The following FBH1 variants were observed in gnomAD, a reference collection of about 807,000 sequenced individuals.
FBH1 encodes DNA 3'-5' helicase 1.
A neutral mutation model predicts 115.5 loss-of-function variants in FBH1; 43 were observed. That is an observed-to-expected ratio of 0.37 (90% CI 0.29 to 0.48). The LOEUF (loss-of-function observed/expected upper bound fraction) is 0.48, where lower values mean the gene tolerates loss of function less well. Ranked by LOEUF, FBH1 falls within the 20% of genes least tolerant of loss-of-function variation. The pLI is 0.99. For missense variants in FBH1, 1,001 were observed against 1,337.3 expected (o/e 0.75, Z 3.92); for synonymous variants, 524 against 507.8 (o/e 1.03, Z -0.43).
Position 5,910,813 on chromosome 10 carries a change from C to A in FBH1, c.1021-125C>A. The stretch of plus-strand genomic sequence containing the variant: ...AAATACAACTTGGAAAGTTTGGATT[C>A]AGTCCAGACAGTCTGTAGCCAGCAG... On this transcript the variant is annotated intron_variant, in intron 5 of 20. Coordinates refer to ENST00000362091, the MANE Select transcript of FBH1 (RefSeq NM_178150.3). The surrounding 1 kb of genome is among the most constrained non-coding windows in gnomAD (Gnocchi z 4.8). 2 of 756,782 alleles carry A rather than the reference C, an allele frequency of 2.6e-6. No homozygotes were observed. The highest frequency in any genetic ancestry group is 1.8e-5 in the African/African-American group (1 of 56,750). 46.9% of individuals were successfully genotyped at this position (756,782 alleles called of 1,614,324 possible).
At position 5,921,465 on chromosome 10, in the gene FBH1, G is replaced by A. The variant is rs540027734; in HGVS notation, c.2218G>A (p.Ala740Thr). 9.4e-6 allele frequency: 15 copies of A among 1,602,694 alleles called. No homozygotes were observed. The highest frequency in any genetic ancestry group is 7.1e-5 in the Admixed American group (4 of 56,154). Residue 740 changes from alanine (A) to threonine (T), a missense_variant, in exon 15 of 21, where the codon GCA becomes ACA. Ala to Thr is a moderately conservative substitution (Grantham distance 58). This residue lies in a region of FBH1 where 521 missense variants were observed against 811.0 expected (regional missense o/e 0.64). Transcript: ENST00000362091. This position sits in a 1 kb window ranked among gnomAD's most constrained non-coding sequence, Gnocchi z 6.4. ...CCCTAAAGGTGGCATTAGAGGTGAC[G>A]CAAAGGGGCAAGTGGCCTTGTTGTC... ...GNHQSGIRGDAKGQVALLSRT... is the reference protein window; with the variant it reads ...GNHQSGIRGDTKGQVALLSRT...
intron 1 of FBH1, among the ~76,000 whole-genome samples, chr10:5,899,697 G>A (rs1589051337): frequency 6.6e-6 from 1 of 152,170 alleles, no homozygotes; most frequent in Non-Finnish European, 1.5e-5. Context: ...ATTTTCGGGT[G>A]TTCTGGAAGC....
intron 13 of FBH1, among the ~76,000 whole-genome samples, chr10:5,919,136 A>AT (rs1277827084): frequency 1.4e-4 from 21 of 151,802 alleles, no homozygotes; most frequent in East Asian, 5.8e-4. Context: ...TTCTTGCTGC[A>AT]TTTTTTTTTG....
At position 5,909,238 on chromosome 10, in the gene FBH1, C is replaced by G. The variant is rs754146045; in HGVS notation, c.964C>G (p.Pro322Ala). 1 of 1,613,298 alleles carries G rather than the reference C, an allele frequency of 6.2e-7. No homozygotes were observed. The highest frequency in any genetic ancestry group is 1.7e-5 in the Admixed American group (1 of 60,012). Reference protein sequence around the residue: ...LWSLRDHPLLPEAEACVRQHL... With the variant: ...LWSLRDHPLLAEAEACVRQHL... Reference sequence around the variant, plus strand: ...GAGTCTGAGGGACCACCCCCTCCTCCCCGAGGCTGAGGCGTGTGTGCGGCA... The same window carrying G: ...GAGTCTGAGGGACCACCCCCTCCTCGCCGAGGCTGAGGCGTGTGTGCGGCA... The change falls in exon 5 of 21, where the codon CCC (proline) becomes GCC (alanine). Residue 322 changes from proline to alanine, a missense_variant. By Grantham distance (27) the Pro-to-Ala change is conservative. Transcript: ENST00000362091. The surrounding 1 kb of genome is among the most constrained non-coding windows in gnomAD (Gnocchi z 4.4).
At chr10:5,919,815 G>A (rs966097868) in intron 13 of FBH1, among the ~76,000 whole-genome samples, 1 of 152,148 alleles carries the variant, frequency 6.6e-6, no homozygotes, top group African/African-American at 2.4e-5. Flanking sequence ...GAGGTGATTT[G>A]TTCTTTTAAT....
Position 5,936,471 on chromosome 10 carries a change from G to A in FBH1, c.2845G>A (p.Ala949Thr), listed in dbSNP as rs765392340. The A allele has an allele frequency of 6.2e-7, 1 of 1,613,894 alleles. No individual in the cohort carries two copies. The highest frequency in any genetic ancestry group is 1.7e-5 in the Admixed American group (1 of 60,010). Residue 949 changes from alanine to threonine, a missense_variant, in exon 20 of 21, where the codon GCA becomes ACA. By Grantham distance (58) the Ala-to-Thr change is moderately conservative. This residue lies in a region of FBH1 where 521 missense variants were observed against 811.0 expected (regional missense o/e 0.64). Coordinates refer to ENST00000362091, the MANE Select transcript of FBH1 (RefSeq NM_178150.3). This position sits in a 1 kb window ranked among gnomAD's most constrained non-coding sequence, Gnocchi z 5.6. The stretch of plus-strand genomic sequence containing the variant: ...TCTTTCTCAGGAGTACTTCTTGCAA[G>A]CAGAGCTGACAAGCAACGTCTTAAA... ...LTLAGEYFLQ[A>T]ELTSNVLKTG...
Position 5,906,674 on chromosome 10 carries a change from A to G in FBH1, c.753+42A>G. ...GTCGGGAGATGTTTCCTCTAAAAGC[A>G]CGTAACTTTGCTTAATGCACGCTTA... On this transcript the variant is annotated intron_variant, in intron 3 of 20. Coordinates refer to ENST00000362091, the MANE Select transcript of FBH1 (RefSeq NM_178150.3). The surrounding 1 kb of genome is among the most constrained non-coding windows in gnomAD (Gnocchi z 7.3). The G allele has an allele frequency of 6.6e-7, 1 of 1,513,360 alleles. No homozygotes were observed. The highest frequency in any genetic ancestry group is 9.0e-7 in the Non-Finnish European group (1 of 1,115,826). 93.7% of individuals were successfully genotyped at this position (1,513,360 alleles called of 1,614,324 possible).
chr10:5,890,925 C>G (rs1017347569), intron 1 of FBH1: 1 of 152,664 alleles, frequency 6.6e-6, no homozygotes, highest in Non-Finnish European at 1.5e-5. Context: ...GTCACTTAAC[C>G]TCTCCATGTT....
At position 5,921,172 on chromosome 10, in the gene FBH1, C is replaced by A; in HGVS notation, c.2101-86C>A. 7.5e-7 allele frequency: 1 copy of A among 1,329,914 alleles called. No homozygotes were observed. The highest frequency in any genetic ancestry group is 1.1e-6 in the Non-Finnish European group (1 of 936,884). The allele number at this position is 1,329,914 out of a possible 1,614,324, so 82.4% of individuals were successfully genotyped here. A position where few individuals can be genotyped will look rare whatever the true frequency, so the allele number is the denominator to read the frequency against. ...GTCAGGAACAACTTGTAGGGTCTGG[C>A]CCGGCCAGGCTGTGGCAGCAGTGAT... On this transcript the variant is annotated intron_variant, in intron 13 of 20. Coordinates refer to ENST00000362091, the MANE Select transcript of FBH1 (RefSeq NM_178150.3). This position sits in a 1 kb window ranked among gnomAD's most constrained non-coding sequence, Gnocchi z 6.4.
At chr10:5,916,203 A>G in intron 9 of FBH1, 31 bp from the exon 10 acceptor site, 1 of 1,592,178 alleles carries the variant, frequency 6.3e-7, no homozygotes, top group East Asian at 2.2e-5. Context: ...CAGGAGAGCC[A>G]CGTGCTGTTC....
At chr10:5,904,567 A>C (rs1481277324) in intron 2 of FBH1, among the ~76,000 whole-genome samples, 1 of 152,194 alleles carries the variant, frequency 6.6e-6, no homozygotes, top group African/African-American at 2.4e-5. Context: ...GGAAGATACC[A>C]GGATTTGGCT....
At chr10:5,919,485 T>TA (rs200304182) in intron 13 of FBH1, among the ~76,000 whole-genome samples, 6 of 151,278 alleles carry the variant, frequency 4.0e-5, no homozygotes, top group Admixed American at 1.3e-4. Flanking sequence ...GACTCTGTCT[T>TA]AAAAAAAAAT....
chr10:5,912,999 G>A (rs1422279478), intron 6 of FBH1, among the ~76,000 whole-genome samples: 1 of 152,058 alleles, frequency 6.6e-6, no homozygotes, highest in African/African-American at 2.4e-5. Flanking sequence ...GGCTCTTTTC[G>A]CTCTGGGGAT....
Position 5,909,281 on chromosome 10 carries a change from A to G in FBH1, c.1007A>G (p.Tyr336Cys), listed in dbSNP as rs1239156596. 6.2e-6 allele frequency: 10 copies of G among 1,610,444 alleles called. No homozygotes were observed. The highest frequency in any genetic ancestry group is 2.2e-5 in the East Asian group (1 of 44,880). The part of the protein sequence containing the change: ...ACVRQHLPDL[Y>C]AAAGGVNIWA... ...GTGCGGCAACACCTCCCCGACCTCTACGCTGCTGCCGGGGTAGGTCTGGAG... is the reference window on the plus strand; with the variant it reads ...GTGCGGCAACACCTCCCCGACCTCTGCGCTGCTGCCGGGGTAGGTCTGGAG... The change falls in exon 5 of 21, where the codon TAC becomes TGC. Residue 336 changes from tyrosine to cysteine, a missense_variant. Physicochemically the swap from Tyr to Cys is radical, Grantham distance 194. Transcript: ENST00000362091. This position sits in a 1 kb window ranked among gnomAD's most constrained non-coding sequence, Gnocchi z 4.4.
intron 2 of FBH1, among the ~76,000 whole-genome samples, chr10:5,905,534 A>G (rs1389889392): frequency 6.6e-6 from 1 of 152,242 alleles, no homozygotes; most frequent in Non-Finnish European, 1.5e-5. Context: ...AAATAAATAC[A>G]TAAATAAAAA....
intron 19 of FBH1, among the ~76,000 whole-genome samples, chr10:5,928,954 G>A (rs1832814201): frequency 6.6e-6 from 1 of 152,190 alleles, no homozygotes; most frequent in African/African-American, 2.4e-5. Flanking sequence ...CTCGTGGGGT[G>A]AGCCGCGCCG....
At position 5,915,201 on chromosome 10, in the gene FBH1, C is replaced by G. The variant is rs1045512800; in HGVS notation, c.1397-202C>G. On this transcript the variant is annotated intron_variant, in intron 8 of 20. Transcript: ENST00000362091. The surrounding 1 kb of genome is among the most constrained non-coding windows in gnomAD (Gnocchi z 5.2). The stretch of plus-strand genomic sequence containing the variant: ...CTTTGCCCCTCGGCTGGAGCCTGCC[C>G]CAGCTGAGATCCCAGCCCACCTTCA... Among the ~76,000 whole-genome samples, 1 of 152,194 alleles carries G rather than the reference C, an allele frequency of 6.6e-6. No individual in the cohort carries two copies. Among genetic ancestry groups the G allele is most frequent in the Non-Finnish European group, 1.5e-5 (1 of 68,024 alleles).
intron 1 of FBH1, among the ~76,000 whole-genome samples, chr10:5,901,672 C>A (rs1843356870): frequency 6.7e-6 from 1 of 148,686 alleles, no homozygotes; most frequent in Admixed American, 6.9e-5. Context: ...TCAAGTGATT[C>A]TTGGGCCTCA....
intron 1 of FBH1, among the ~76,000 whole-genome samples, chr10:5,902,044 A>G (rs1402684846): frequency 6.6e-6 from 1 of 152,232 alleles, no homozygotes; most frequent in African/African-American, 2.4e-5. Context: ...CCGTTGAAAC[A>G]AAATTCTAGG....
Sources: allele counts gnomAD v4.1 joint callset (sites outside exome capture counted in the v4.1 genomes callset), GRCh38; gene constraint gnomAD v4.1.1; regional missense constraint gnomAD v4.1.1; non-coding constraint Gnocchi (gnomAD v3.1); transcripts MANE v1.5; gene names NCBI Gene and HGNC (gene_info 2026-07-23, HGNC 2026-07-21).